CHODL: variants seen among roughly 807,000 people sequenced by gnomAD.
CHODL encodes transmembrane protein MT75.
CHODL carries 29 observed loss-of-function variants against 34.5 expected under a neutral mutation model. The observed-to-expected ratio is 0.84, with a 90% CI of 0.63 to 1.15. CHODL has a LOEUF of 1.15. Ranked by LOEUF, CHODL falls within the 50% of genes most tolerant of loss-of-function variation. The pLI is 0.00. For missense variants in CHODL, 332 were observed against 332.5 expected (o/e 1.00, Z 0.01); for synonymous variants, 125 against 116.1 (o/e 1.08, Z -0.49).
intron 2 of CHODL, among the ~76,000 whole-genome samples, chr21:18,183,975 C>G (rs1314947564): frequency 2.0e-5 from 3 of 151,924 alleles, no homozygotes; most frequent in Non-Finnish European, 4.4e-5. Context: ...TTAAAAAAAC[C>G]TCATTAAAAG....
intron 2 of CHODL, among the ~76,000 whole-genome samples, chr21:18,091,695 C>T (rs1377495387): frequency 1.3e-5 from 2 of 152,124 alleles, no homozygotes; most frequent in East Asian, 3.9e-4. Flanking sequence ...CATTTCTGAT[C>T]CTGTCCTGGG....
At position 18,266,095 on chromosome 21, in the gene CHODL, A is replaced by C; in HGVS notation, c.*57A>C. 1 of 1,613,420 alleles carries C rather than the reference A, an allele frequency of 6.2e-7. No homozygotes were observed. ...ATTCTGGATCTGTATAAGGAATGGC[A>C]TCAGAACAATAGCTTGGAATGGCTT... On this transcript the variant is annotated 3_prime_UTR_variant, in exon 6 of 6. Coordinates refer to ENST00000299295, the MANE Select transcript of CHODL (RefSeq NM_024944.3).
chr21:18,054,993 C>T (rs1021791488), intron 2 of CHODL, among the ~76,000 whole-genome samples: 6 of 151,970 alleles, frequency 3.9e-5, no homozygotes, highest in Admixed American at 6.6e-5. Context: ...CCATTGATCA[C>T]TCTTCTTTCA....
At chr21:18,065,861 A>T (rs961980704) in intron 2 of CHODL, among the ~76,000 whole-genome samples, 9 of 152,224 alleles carry the variant, frequency 5.9e-5, no homozygotes, top group Non-Finnish European at 1.3e-4. Context: ...AATGCTTTTA[A>T]CAGGAATGCT....
At chr21:18,182,133 T>G (rs1408280716) in intron 2 of CHODL, among the ~76,000 whole-genome samples, 1 of 152,142 alleles carries the variant, frequency 6.6e-6, no homozygotes, top group East Asian at 1.9e-4. Flanking sequence ...TTTAACCTTT[T>G]GAGGAAGTGC....
chr21:18,116,452 T>C lies in CHODL; in HGVS notation c.-45+88481T>C, dbSNP rs146640124. Among the ~76,000 whole-genome samples the C allele has an allele frequency of 1.2e-4, 18 of 152,366 alleles. No individual in the cohort carries two copies. In the East Asian group the frequency reaches 3.5e-3, roughly 29 times the overall value. On this transcript the variant is annotated intron_variant, in intron 2 of 6. Coordinates refer to the CHODL transcript ENST00000400127. ...AATGTCTCTGTGATCTGTTCACTTATATTTGTCTGTTTGCATTGCTATTAT... is the reference window on the plus strand; with the variant it reads ...AATGTCTCTGTGATCTGTTCACTTACATTTGTCTGTTTGCATTGCTATTAT...
rs765608322 is a variant in CHODL at position 18,245,230 on chromosome 21, C to T, written c.7C>T (p.Arg3Cys). Residue 3 changes from arginine to cysteine, a missense_variant, in exon 1 of 6, where the codon CGC becomes TGC. By Grantham distance (180) the Arg-to-Cys change is radical (BLOSUM62 -3). Transcript: ENST00000299295. MS[R>C]VVSLLLGAAL... ...CTGCTGCCACCGCGCCGCGATGAGCCGCGTGGTCTCGCTGCTGCTGGGCGC... is the reference window on the plus strand; with the variant it reads ...CTGCTGCCACCGCGCCGCGATGAGCTGCGTGGTCTCGCTGCTGCTGGGCGC... 4 of 1,521,908 alleles carry T rather than the reference C, an allele frequency of 2.6e-6. No homozygotes were observed. In the South Asian group the frequency reaches 4.8e-5, roughly 18 times the overall value. The allele number at this position is 1,521,908 out of a possible 1,614,324, so 94.3% of individuals were successfully genotyped here. A position where few individuals can be genotyped will look rare whatever the true frequency, so the allele number is the denominator to read the frequency against.
At chr21:18,070,031 C>CTTCCCTCCA (rs1600963604) in intron 2 of CHODL, among the ~76,000 whole-genome samples, 1 of 58,272 alleles carries the variant, frequency 1.7e-5, no homozygotes, top group Non-Finnish European at 4.2e-5. Context: ...TCCCTCCCCC[C>CTTCCCTCCA]CCCCACCCAT....
At chr21:18,099,584 C>T (rs1451145473) in intron 2 of CHODL, among the ~76,000 whole-genome samples, 5 of 151,780 alleles carry the variant, frequency 3.3e-5, no homozygotes, top group African/African-American at 9.7e-5. Flanking sequence ...AAAAGCCATC[C>T]AATAAAGAGA....
chr21:17,924,286 G>A (rs907452815), intron 1 of CHODL, among the ~76,000 whole-genome samples: 1 of 152,226 alleles, frequency 6.6e-6, no homozygotes, highest in African/African-American at 2.4e-5. Context: ...AGAGAAATGG[G>A]CAGCCAGAAG....
intron 2 of CHODL, among the ~76,000 whole-genome samples, chr21:18,209,351 C>T (rs1464339362): frequency 6.6e-6 from 1 of 152,170 alleles, no homozygotes; most frequent in African/African-American, 2.4e-5. Flanking sequence ...CTGATGTTCA[C>T]TCAAGGTTCA....
At chr21:18,151,611 GT>G (rs774469607) in intron 2 of CHODL, among the ~76,000 whole-genome samples, 21 of 152,228 alleles carry the variant, frequency 1.4e-4, no homozygotes, top group Non-Finnish European at 3.1e-4. Context: ...TCGATCAGAA[GT>G]TCTGGAGGTC....
intron 1 of CHODL, among the ~76,000 whole-genome samples, chr21:17,972,584 A>T (rs1278214026): frequency 3.3e-5 from 5 of 152,236 alleles, no homozygotes; most frequent in South Asian, 4.1e-4. Context: ...CCGACTTACA[A>T]GGGATGTGAA....
At chr21:17,992,869 G>C (rs1023957694) in intron 1 of CHODL, among the ~76,000 whole-genome samples, 1 of 151,924 alleles carries the variant, frequency 6.6e-6, no homozygotes, top group Non-Finnish European at 1.5e-5. Context: ...GGTCAGACTG[G>C]TCTGAAACTC....
chr21:18,155,745 T>C (rs758952185), intron 2 of CHODL, among the ~76,000 whole-genome samples: 24 of 152,184 alleles, frequency 1.6e-4, no homozygotes, highest in Non-Finnish European at 2.9e-4. Flanking sequence ...ACGGAAACAA[T>C]AACCCTGAAT....
intron 2 of CHODL, among the ~76,000 whole-genome samples, chr21:18,143,212 G>A (rs1013184446): frequency 1.3e-5 from 2 of 152,130 alleles, no homozygotes; most frequent in Admixed American, 1.3e-4. Context: ...TCCAGGTTAA[G>A]CACCATAAAT....
At chr21:18,133,126 C>T (rs1010064381) in intron 2 of CHODL, among the ~76,000 whole-genome samples, 99 of 150,742 alleles carry the variant, frequency 6.6e-4, no homozygotes, top group African/African-American at 2.3e-3. Context: ...TTAGAAAAAG[C>T]GGTGTATGTC....
intron 1 of CHODL, among the ~76,000 whole-genome samples, chr21:17,990,062 T>G (rs897016217): frequency 2.6e-5 from 4 of 152,126 alleles, no homozygotes; most frequent in Non-Finnish European, 4.4e-5. Context: ...TATAGGACTT[T>G]GAAAAGTCCT....
At chr21:17,999,487 A>G (rs1314568386) in intron 1 of CHODL, among the ~76,000 whole-genome samples, 1 of 152,208 alleles carries the variant, frequency 6.6e-6, no homozygotes, top group Non-Finnish European at 1.5e-5. Flanking sequence ...CACACTGCTA[A>G]TAAACACATA....
Sources: allele counts gnomAD v4.1 joint callset (sites outside exome capture counted in the v4.1 genomes callset), GRCh38; gene constraint gnomAD v4.1.1; transcripts MANE v1.5; gene names NCBI Gene and HGNC (gene_info 2026-07-23, HGNC 2026-07-21).